RNF130: variants seen among roughly 807,000 people sequenced by gnomAD.
RNF130 encodes the protein ring finger protein 130, also known as E3 ubiquitin-protein ligase RNF130.
Under a neutral mutation model 44.6 loss-of-function variants are expected in RNF130, and 21 were observed. The observed-to-expected ratio is 0.47, with a 90% confidence interval of 0.33 to 0.68. The LOEUF (loss-of-function observed/expected upper bound fraction) is 0.68, where lower values mean the gene tolerates loss of function less well. Among genes scored for constraint, RNF130 ranks in the 30% least tolerant of loss-of-function variants. The probability of loss-of-function intolerance (pLI) is 0.02; values close to 1 mark genes in which losing one functional copy is unlikely to be tolerated. For synonymous variants in RNF130, 214 were observed against 210.4 expected, an observed-to-expected ratio of 1.02 and a Z score of -0.15; for missense variants, 479 against 560.6, an observed-to-expected ratio of 0.85 and a Z score of 1.47.
chr5:180,060,804 G>A (rs894138650), intron 1 of RNF130, among the ~76,000 whole-genome samples: 1 of 152,008 alleles, frequency 6.6e-6, no homozygotes, highest in Non-Finnish European at 1.5e-5. Context: ...ATGTTCGGCC[G>A]GGCGCCTGTA....
downstream of RNF130, among the ~76,000 whole-genome samples, chr5:179,950,328 G>C (rs767297137): frequency 7.9e-5 from 12 of 151,998 alleles, no homozygotes; most frequent in Non-Finnish European, 1.6e-4. Context: ...TGTTGGTCAG[G>C]CTGGTATCAA....
intron 4 of RNF130, 34 bp from the exon 5 acceptor site, chr5:179,978,319 C>T (rs372721475): frequency 8.0e-5 from 113 of 1,406,728 alleles, no homozygotes; most frequent in East Asian, 1.1e-4. Context: ...AAAAGTCACA[C>T]GCTGCAAGTA....
chr5:180,030,845 T>C (rs975630941), intron 2 of RNF130, among the ~76,000 whole-genome samples: 1 of 152,216 alleles, frequency 6.6e-6, no homozygotes, highest in Admixed American at 6.5e-5. Context: ...TTGAGGTTTA[T>C]CCATGTGTCA....
At chr5:180,025,314 C>T (rs896538093) in intron 2 of RNF130, among the ~76,000 whole-genome samples, 6 of 152,196 alleles carry the variant, frequency 3.9e-5, no homozygotes, top group Non-Finnish European at 7.3e-5. Flanking sequence ...CCATGTAGAT[C>T]CTTTATATGA....
intron 3 of RNF130, among the ~76,000 whole-genome samples, chr5:179,991,271 C>A (rs75873408): frequency 0.014 from 2,181 of 152,232 alleles, 53 homozygotes; most frequent in African/African-American, 0.049. Context: ...AATCTGATGA[C>A]TATATGTCAT....
chr5:180,040,345 T>C (rs553863507), intron 2 of RNF130, 108 bp downstream of exon 2: 7 of 1,025,346 alleles, frequency 6.8e-6, no homozygotes, highest in South Asian at 6.6e-5. Flanking sequence ...GCAATACTAA[T>C]AGGATTATGT....
At chr5:179,965,243 C>T (rs1317691743) in intron 7 of RNF130, among the ~76,000 whole-genome samples, 1 of 152,174 alleles carries the variant, frequency 6.6e-6, no homozygotes, top group African/African-American at 2.4e-5. Flanking sequence ...CTGCAGCCGG[C>T]CTGGCTACCT....
chr5:179,973,634 G>A (rs11955292), intron 5 of RNF130, among the ~76,000 whole-genome samples: 2,231 of 152,266 alleles, frequency 0.015, 61 homozygotes, highest in African/African-American at 0.05. Flanking sequence ...ACGCCTGACC[G>A]CGCTCACCCT....
chr5:180,016,086 C>A (rs545750513), intron 2 of RNF130, among the ~76,000 whole-genome samples: 1 of 152,140 alleles, frequency 6.6e-6, no homozygotes. Flanking sequence ...AGAGAAGAGC[C>A]GGGCAGAGGA....
chr5:179,995,166 C>A (rs1421272691), intron 3 of RNF130, among the ~76,000 whole-genome samples: 3 of 152,048 alleles, frequency 2.0e-5, no homozygotes, highest in South Asian at 4.1e-4. Flanking sequence ...AAGGGCAAAC[C>A]CATTGTTAAA....
chr5:179,928,629 TTG>T (rs921322758), intron 7 of RNF130, among the ~76,000 whole-genome samples: 5 of 119,536 alleles, frequency 4.2e-5, no homozygotes, highest in African/African-American at 2.1e-4. Context: ...TTAATTGTTG[TTG>T]TTTTTTTTTT....
In RNF130 at chr5:179,968,492, C is replaced by T. The variant is rs895970223; in HGVS notation, c.946-1482G>A. On this transcript the variant is annotated intron_variant, in intron 6 of 8. Transcript: ENST00000521389. ...ACCAGCCTGGCCAACATGGGGAAAC[C>T]CCATCTCTACTAAAAACACAAAAAT... is the stretch of plus-strand genomic sequence containing the variant. 2.6e-4 allele frequency among the ~76,000 whole-genome samples: 39 copies of T among 151,600 alleles called. No homozygotes were observed. The Middle Eastern group carries it at 0.01, about 40-fold the overall frequency.
intron 2 of RNF130, among the ~76,000 whole-genome samples, chr5:180,026,285 AC>A (rs1763983144): frequency 6.6e-6 from 1 of 152,244 alleles, no homozygotes; most frequent in Non-Finnish European, 1.5e-5. Context: ...AGATAAAACT[AC>A]AGCTAATTCT....
rs1277613952 is a variant in RNF130 at position 179,955,187 on chromosome 5, A to C, written c.*467T>G. On this transcript the variant is annotated 3_prime_UTR_variant, in exon 9 of 9. Transcript: ENST00000521389. ...GCTGGGGGTGCTGCAGCTCTGGTGG[A>C]GGCTGATCAACCACAGAGAAGAAAT... 6.5e-6 allele frequency: 1 copy of C among 153,746 alleles called. No individual in the cohort carries two copies. Among genetic ancestry groups the C allele is most frequent in the Non-Finnish European group, 1.4e-5 (1 of 69,158 alleles). 9.5% of individuals were successfully genotyped at this position (153,746 alleles called of 1,614,324 possible). A position where few individuals can be genotyped will look rare whatever the true frequency, so the allele number is the denominator to read the frequency against.
chr5:180,064,908 G>A (rs1033911582), intron 1 of RNF130, among the ~76,000 whole-genome samples: 1 of 116,772 alleles, frequency 8.6e-6, no homozygotes, highest in Non-Finnish European at 1.7e-5. Context: ...GCCAAGTCCT[G>A]AACTAGGATT....
intron 8 of RNF130, among the ~76,000 whole-genome samples, chr5:179,961,848 T>C (rs1411505781): frequency 6.6e-6 from 1 of 152,186 alleles, no homozygotes; most frequent in African/African-American, 2.4e-5. Flanking sequence ...TAAAGGCAGA[T>C]GGTCATCTGA....
intron 3 of RNF130, among the ~76,000 whole-genome samples, chr5:179,983,656 T>G (rs1026766823): frequency 6.6e-6 from 1 of 152,202 alleles, no homozygotes; most frequent in African/African-American, 2.4e-5. Context: ...TAGGATCAGT[T>G]TGTCCATCTC....
At chr5:179,974,679 T>C (rs1762676426) in intron 5 of RNF130, among the ~76,000 whole-genome samples, 1 of 152,118 alleles carries the variant, frequency 6.6e-6, no homozygotes, top group Admixed American at 6.5e-5. Context: ...GCAGACGCTG[T>C]GGGGCAGTAC....
intron 5 of RNF130, 71 bp from the exon 6 acceptor site, chr5:179,970,577 G>A (rs1424389391): frequency 6.6e-6 from 8 of 1,212,018 alleles, no homozygotes; most frequent in Non-Finnish European, 9.5e-6. Context: ...TGGAAAGAAA[G>A]GGAATTTTTA....
Sources: allele counts gnomAD v4.1 joint callset (sites outside exome capture counted in the v4.1 genomes callset), GRCh38; gene constraint gnomAD v4.1.1; transcripts MANE v1.5; gene names NCBI Gene and HGNC (gene_info 2026-07-23, HGNC 2026-07-21).